TRIP12: variants seen among roughly 807,000 people sequenced by gnomAD.
The protein encoded by TRIP12 is thyroid hormone receptor interactor 12.
Under a neutral mutation model 244.2 loss-of-function variants are expected in TRIP12, and 25 were observed. That is an observed-to-expected ratio of 0.10 (90% CI 0.07 to 0.14). The LOEUF (loss-of-function observed/expected upper bound fraction) is 0.14, where lower values mean the gene tolerates loss of function less well. Ranked by LOEUF, TRIP12 falls within the 10% of genes least tolerant of loss-of-function variation. TRIP12 has a pLI of 1.00. For missense variants in TRIP12, 1,677 were observed against 2,486.4 expected, an observed-to-expected ratio of 0.67 and a Z score of 6.92; for synonymous variants, 905 against 873.1, an observed-to-expected ratio of 1.04 and a Z score of -0.64.
chr2:229,819,586 T>C (rs1221364570), intron 8 of TRIP12, among the ~76,000 whole-genome samples: 2 of 152,208 alleles, frequency 1.3e-5, no homozygotes, highest in African/African-American at 4.8e-5. Flanking sequence ...TCTATGAATG[T>C]GTTTCATTTT....
At position 229,805,730 on chromosome 2, in the gene TRIP12, T is replaced by C; in HGVS notation, c.2650A>G (p.Ser884Gly). The stretch of plus-strand genomic sequence containing the variant: ...CTATTTTAACTCAGAATGTACTTAC[T>C]AGTGTTACTATTGGCTAACGGGTTA... Reference protein sequence around the residue: ...KPNPLANSNTSGYSESKKDDA... With the variant: ...KPNPLANSNTGGYSESKKDDA... The change falls in exon 18 of 42, where the codon AGT becomes GGT. Residue 884 changes from serine to glycine, a missense_variant and splice_region_variant. Coordinates refer to ENST00000675903, the MANE Select transcript of TRIP12 (RefSeq NM_001348323.3). The C allele has an allele frequency of 1.3e-6, 2 of 1,587,530 alleles. No homozygotes were observed. The highest frequency in any genetic ancestry group is 1.7e-6 in the Non-Finnish European group (2 of 1,159,080).
chr2:229,851,210 T>C lies in TRIP12; in HGVS notation c.1027+7562A>G, dbSNP rs191332817. ...CTGGTGGGGACGTGGAGAACCTTTA[T>C]GTCTAGCTCAGGGATTGTAAATCGG... On this transcript the variant is annotated intron_variant, in intron 4 of 41. Coordinates refer to ENST00000675903, the MANE Select transcript of TRIP12 (RefSeq NM_001348323.3). 5.2e-3 allele frequency among the ~76,000 whole-genome samples: 785 copies of C among 152,216 alleles called. 14 individuals are homozygous for C. The highest frequency in any genetic ancestry group is 0.023 in the East Asian group (121 of 5,160).
intron 13 of TRIP12, among the ~76,000 whole-genome samples, chr2:229,813,036 C>A (rs1261518011): frequency 6.6e-6 from 1 of 152,158 alleles, no homozygotes; most frequent in East Asian, 1.9e-4. Flanking sequence ...CCATCCCCGG[C>A]CCATAAACCC....
At chr2:229,839,829 C>T (rs1186258657) in intron 5 of TRIP12, among the ~76,000 whole-genome samples, 1 of 152,182 alleles carries the variant, frequency 6.6e-6, no homozygotes, top group East Asian at 1.9e-4. Context: ...TACCTTTAGG[C>T]TAAGATTCTC....
chr2:229,851,706 G>A (rs1384766428), intron 4 of TRIP12, among the ~76,000 whole-genome samples: 1 of 152,008 alleles, frequency 6.6e-6, no homozygotes, highest in African/African-American at 2.4e-5. Flanking sequence ...GAGCCCACCG[G>A]GAGGAAGGAA....
intron 40 of TRIP12, 77 bp from the exon 41 acceptor site, chr2:229,768,796 T>C: frequency 7.6e-7 from 1 of 1,317,718 alleles, no homozygotes; most frequent in Non-Finnish European, 1.0e-6. Flanking sequence ...TCGCATCACA[T>C]GACATAAAAA....
intron 26 of TRIP12, among the ~76,000 whole-genome samples, chr2:229,794,633 C>T (rs2042364502): frequency 6.6e-6 from 1 of 152,012 alleles, no homozygotes; most frequent in Non-Finnish European, 1.5e-5. Flanking sequence ...GGCCTCCGGT[C>T]AAAATATTCC....
rs570076410 is a variant in TRIP12, at chr2:229,859,154, C to T, written c.645G>A (p.Ala215=). 157 of 1,614,152 alleles carry T rather than the reference C, an allele frequency of 9.7e-5. 1 individual carries two copies. In the South Asian group the frequency reaches 1.6e-3, roughly 16 times the overall value. ...ATTTTGAAGCCAGCTTGGTAGGTTT[C>T]GCAGATCTCTCTTCTGCACCAGTTG... is the stretch of plus-strand genomic sequence containing the variant. The part of the protein sequence containing the change: ...SESTGAEERS[A]KPTKLASKSA... Residue 215 remains alanine, a synonymous_variant, in exon 4 of 42, where the codon GCG becomes GCA. Coordinates refer to ENST00000675903, the MANE Select transcript of TRIP12 (RefSeq NM_001348323.3).
At chr2:229,854,050 ACTTT>A (rs2059190968) in intron 4 of TRIP12, among the ~76,000 whole-genome samples, 1 of 152,062 alleles carries the variant, frequency 6.6e-6, no homozygotes, top group Non-Finnish European at 1.5e-5. Flanking sequence ...CCTAGTTTTG[ACTTT>A]CTTGTGTAAA....
chr2:229,800,104 G>A (rs1382692816), intron 21 of TRIP12, among the ~76,000 whole-genome samples: 1 of 152,108 alleles, frequency 6.6e-6, no homozygotes, highest in Admixed American at 6.5e-5. Flanking sequence ...CAAAATGGCC[G>A]TGAGTAAAAT....
chr2:229,919,885 C>A (rs1395669247), intron 1 of TRIP12, among the ~76,000 whole-genome samples: 4 of 152,160 alleles, frequency 2.6e-5, no homozygotes, highest in Non-Finnish European at 5.9e-5. Flanking sequence ...CACAGCAGTT[C>A]AACATTTCTG....
At chr2:229,835,804 G>A (rs2054662533) in intron 6 of TRIP12, among the ~76,000 whole-genome samples, 1 of 152,144 alleles carries the variant, frequency 6.6e-6, no homozygotes, top group Non-Finnish European at 1.5e-5. Flanking sequence ...TAGAAGACTG[G>A]GAAGGAGCGT....
At chr2:229,827,007 A>G (rs887197185) in intron 8 of TRIP12, among the ~76,000 whole-genome samples, 2 of 152,152 alleles carry the variant, frequency 1.3e-5, no homozygotes, top group African/African-American at 4.8e-5. Flanking sequence ...CTGGCCAGGC[A>G]TGGTGGCTCA....
intron 26 of TRIP12, 184 bp downstream of exon 26, chr2:229,794,995 A>T: frequency 1.8e-6 from 1 of 561,112 alleles, no homozygotes; most frequent in South Asian, 3.2e-5. Flanking sequence ...TTTAAGGCAT[A>T]TGGTATAATT....
At position 229,789,617 on chromosome 2, in the gene TRIP12, C is replaced by G. The variant is rs956967319; in HGVS notation, c.4689G>C (p.Leu1563Phe). 6.2e-7 allele frequency: 1 copy of G among 1,613,222 alleles called. No homozygotes were observed. The highest frequency in any genetic ancestry group is 8.5e-7 in the Non-Finnish European group (1 of 1,179,630). The change falls in exon 31 of 42, where the codon TTG becomes TTC. Residue 1563 changes from leucine (L) to phenylalanine (F), a missense_variant. Coordinates refer to ENST00000675903, the MANE Select transcript of TRIP12 (RefSeq NM_001348323.3). ...AATAGGCAACATTACTCACATCATA[C>G]AAGTAATACCAGTATCGACTGATAG... Reference protein sequence around the residue: ...LHAISRYWYYLYDNAMCKEII... With the variant: ...LHAISRYWYYFYDNAMCKEII...
chr2:229,782,745 A>G (rs2038662588), intron 34 of TRIP12, among the ~76,000 whole-genome samples: 1 of 152,234 alleles, frequency 6.6e-6, no homozygotes, highest in Admixed American at 6.5e-5. Context: ...CACAGGTAGT[A>G]TCACACACTA....
chr2:229,885,699 G>A (rs1476217109), intron 1 of TRIP12, among the ~76,000 whole-genome samples: 1 of 152,134 alleles, frequency 6.6e-6, no homozygotes, highest in African/African-American at 2.4e-5. Flanking sequence ...CTTTAAAGTG[G>A]GAATGAATAA....
At chr2:229,879,036 T>C (rs1289582826) in intron 2 of TRIP12, among the ~76,000 whole-genome samples, 3 of 152,042 alleles carry the variant, frequency 2.0e-5, no homozygotes, top group African/African-American at 4.8e-5. Flanking sequence ...GTGAATCGCT[T>C]GAGGTCAGGA....
intron 24 of TRIP12, among the ~76,000 whole-genome samples, chr2:229,797,036 T>C (rs2042988622): frequency 6.6e-6 from 1 of 152,098 alleles, no homozygotes; most frequent in Non-Finnish European, 1.5e-5. Flanking sequence ...ACCAATGTAG[T>C]TTTCTTTAAA....
Sources: gnomAD v4.1 joint callset for allele counts (sites outside exome capture counted in the v4.1 genomes callset) on GRCh38, gnomAD v4.1.1 for gene constraint, MANE v1.5 for transcripts, NCBI Gene and HGNC (gene_info 2026-07-23, HGNC 2026-07-21) for gene names.